The following CACNA1C variants were observed in gnomAD, a reference collection of about 807,000 sequenced individuals.
CACNA1C encodes calcium voltage-gated channel subunit alpha1 C.
A neutral mutation model predicts 229.0 loss-of-function variants in CACNA1C; 30 were observed. That is an observed-to-expected ratio of 0.13 (90% CI 0.10 to 0.18). The LOEUF (loss-of-function observed/expected upper bound fraction) is 0.18. Among genes scored for constraint, CACNA1C ranks in the 10% least tolerant of loss-of-function variants. The pLI, the probability that CACNA1C is intolerant of heterozygous loss-of-function variation, is 1.00. For missense variants in CACNA1C, 1,658 were observed against 2,845.0 expected (o/e 0.58, Z 9.49); for synonymous variants, 1,114 against 1,132.5 (o/e 0.98, Z 0.33).
At chr12:2,662,040 A>G (rs1450835106) in intron 34 of CACNA1C, among the ~76,000 whole-genome samples, 3 of 152,198 alleles carry the variant, frequency 2.0e-5, no homozygotes, top group Non-Finnish European at 4.4e-5. Flanking sequence ...CAGGAGATCG[A>G]GACCATCCTG....
chr12:2,273,692 G>A (rs115552125), intron 3 of CACNA1C, among the ~76,000 whole-genome samples: 1,619 of 152,320 alleles, frequency 0.011, 20 homozygotes, highest in African/African-American at 0.037. Context: ...GGTGTTCAAG[G>A]AACTTTGCAC....
rs2073447219 is a variant in CACNA1C at position 2,602,908 on chromosome 12, C to G, written c.2960+948C>G. Among the ~76,000 whole-genome samples the G allele has an allele frequency of 6.6e-6, 1 of 152,108 alleles. No individual in the cohort carries two copies. The highest frequency in any genetic ancestry group is 6.5e-5 in the Admixed American group (1 of 15,276). Reference sequence around the variant, plus strand: ...ACACAAAACGATGGGGGAGACGGGGCAAGTGTTATCATGATTGTATAGATG... The same window carrying G: ...ACACAAAACGATGGGGGAGACGGGGGAAGTGTTATCATGATTGTATAGATG... On this transcript the variant is annotated intron_variant, in intron 22 of 46. Transcript: ENST00000399655. The surrounding 1 kb of genome is among the most constrained non-coding windows in gnomAD (Gnocchi z 4.4).
intron 3 of CACNA1C, among the ~76,000 whole-genome samples, chr12:2,447,281 C>T (rs979124616): frequency 2.0e-5 from 3 of 152,148 alleles, no homozygotes; most frequent in Admixed American, 2.0e-4. Context: ...TTCACAACCC[C>T]AAGGCAGCTG....
In CACNA1C at chr12:2,653,298, C is replaced by T. The variant is rs1190881040; in HGVS notation, c.4075-537C>T. Among the ~76,000 whole-genome samples the T allele has an allele frequency of 2.0e-5, 3 of 152,200 alleles. No individual in the cohort carries two copies. The highest frequency in any genetic ancestry group is 1.9e-4 in the East Asian group (1 of 5,198). On this transcript the variant is annotated intron_variant, in intron 32 of 46. Coordinates refer to ENST00000399655, the MANE Select transcript of CACNA1C (RefSeq NM_000719.7). This position sits in a 1 kb window ranked among gnomAD's most constrained non-coding sequence, Gnocchi z 4.7. ...ACTGAAGTTCAGAGAAGTTAAGTGC[C>T]CCAACCCTCACAGATAGAAAGTGGC... is the stretch of plus-strand genomic sequence containing the variant.
At position 2,280,728 on chromosome 12, in the gene CACNA1C, C is replaced by G. The variant is rs545155349; in HGVS notation, c.477+160298C>G. 1.1e-4 allele frequency among the ~76,000 whole-genome samples: 16 copies of G among 144,752 alleles called. 1 individual carries two copies. The highest frequency in any genetic ancestry group is 4.1e-4 in the African/African-American group (16 of 38,706). 95.0% of individuals were successfully genotyped at this position (144,752 alleles called of 152,430 possible). A position where few individuals can be genotyped will look rare whatever the true frequency, so the allele number is the denominator to read the frequency against. On this transcript the variant is annotated intron_variant, in intron 3 of 46. Transcript: ENST00000399655. The stretch of plus-strand genomic sequence containing the variant: ...ATACCTTGCTGTGCTTCGGTTTAAC[C>G]TCTTGATACCTTGCTGTGCTTCGGT...
chr12:2,009,214 C>T (rs1438228245), intron 1 of CACNA1C, among the ~76,000 whole-genome samples: 1 of 152,102 alleles, frequency 6.6e-6, no homozygotes, highest in African/African-American at 2.4e-5. Flanking sequence ...AAGTTGGATA[C>T]TGCAATTTAA....
chr12:2,036,523 A>G (rs1594143219), intron 1 of CACNA1C, among the ~76,000 whole-genome samples: 1 of 151,994 alleles, frequency 6.6e-6, no homozygotes, highest in East Asian at 1.9e-4. Context: ...CACAGGCTGT[A>G]GGTGCGATGT....
intron 3 of CACNA1C, among the ~76,000 whole-genome samples, chr12:2,418,846 A>AC (rs1199268470): frequency 6.6e-6 from 1 of 151,776 alleles, no homozygotes; most frequent in African/African-American, 2.4e-5. Context: ...GAGCATGCTG[A>AC]CCCCCAGCTC....
chr12:2,470,716 T>A (rs1442800449), intron 5 of CACNA1C, among the ~76,000 whole-genome samples: 2 of 152,230 alleles, frequency 1.3e-5, no homozygotes, highest in Non-Finnish European at 2.9e-5. Flanking sequence ...AGCAATAGAA[T>A]TGTGTGAAAC....
chr12:2,556,733 A>G (rs2044497311), intron 10 of CACNA1C, among the ~76,000 whole-genome samples: 1 of 152,172 alleles, frequency 6.6e-6, no homozygotes, highest in Admixed American at 6.5e-5. Context: ...AGGATTGTCT[A>G]TACTTAGAAG....
intron 5 of CACNA1C, among the ~76,000 whole-genome samples, chr12:2,477,374 T>G (rs2099635197): frequency 6.6e-6 from 1 of 152,194 alleles, no homozygotes; most frequent in Non-Finnish European, 1.5e-5. Context: ...GGGAGGGAAC[T>G]TGTTGGCTCA....
rs1215886868 is a variant in CACNA1C at position 2,679,341 on chromosome 12, C to T, written c.5092-103C>T. 1 of 868,412 alleles carries T rather than the reference C, an allele frequency of 1.2e-6. No homozygotes were observed. The allele number at this position is 868,412 out of a possible 1,614,324, so 53.8% of individuals were successfully genotyped here. ...TGCCTACCCGAAAGAAGGCAGCCCG[C>T]CTTCCCAGGCCCTGCACTTCCCTGA... On this transcript the variant is annotated intron_variant, in intron 41 of 46. Transcript: ENST00000399655. The surrounding 1 kb of genome is among the most constrained non-coding windows in gnomAD (Gnocchi z 5.5).
chr12:2,367,590 GT>G (rs1235932582), intron 3 of CACNA1C, among the ~76,000 whole-genome samples: 1 of 152,104 alleles, frequency 6.6e-6, no homozygotes, highest in Admixed American at 6.5e-5. Flanking sequence ...AAAACAAAGT[GT>G]TGCAAAAAGG....
chr12:2,498,205 G>C (rs1043981777), intron 7 of CACNA1C, among the ~76,000 whole-genome samples: 8 of 152,216 alleles, frequency 5.3e-5, no homozygotes, highest in African/African-American at 1.9e-4. Context: ...TGATGACCTA[G>C]GAGTCATTCT....
intron 13 of CACNA1C, among the ~76,000 whole-genome samples, chr12:2,574,881 A>G (rs1009362044): frequency 6.6e-6 from 1 of 152,210 alleles, no homozygotes; most frequent in Non-Finnish European, 1.5e-5. Context: ...TGTCAACACA[A>G]TGGGTGGTTC....
chr12:2,539,841 G>T (rs990883896), intron 9 of CACNA1C, among the ~76,000 whole-genome samples: 15 of 117,486 alleles, frequency 1.3e-4, no homozygotes, highest in Non-Finnish European at 7.1e-5. Context: ...TCATAAAGAT[G>T]CAGGCAGGGT....
At chr12:2,622,526 A>G (rs929628943) in intron 29 of CACNA1C, among the ~76,000 whole-genome samples, 4 of 152,160 alleles carry the variant, frequency 2.6e-5, no homozygotes, top group African/African-American at 9.7e-5. Context: ...ACCTTGCTGG[A>G]CATGTTTGCG....
chr12:2,314,295 G>C (rs1240740132), intron 3 of CACNA1C, among the ~76,000 whole-genome samples: 1 of 152,144 alleles, frequency 6.6e-6, no homozygotes, highest in African/African-American at 2.4e-5. Context: ...TCTCACTGAG[G>C]TTTTTTTGGA....
intron 3 of CACNA1C, among the ~76,000 whole-genome samples, chr12:2,416,858 G>A (rs184098933): frequency 6.6e-6 from 1 of 152,178 alleles, no homozygotes; most frequent in Admixed American, 6.5e-5. Flanking sequence ...TAAGGGACTG[G>A]CCAGAGTTCA....
Sources: allele counts gnomAD v4.1 joint callset (sites outside exome capture counted in the v4.1 genomes callset), GRCh38; gene constraint gnomAD v4.1.1; non-coding constraint Gnocchi (gnomAD v3.1); transcripts MANE v1.5; gene names NCBI Gene and HGNC (gene_info 2026-07-23, HGNC 2026-07-21).